ITGB5: variants seen among roughly 807,000 people sequenced by gnomAD.
The protein encoded by ITGB5 is integrin subunit beta 5.
Under a neutral mutation model 84.8 loss-of-function variants are expected in ITGB5, and 38 were observed. The observed-to-expected ratio is 0.45, with a 90% CI of 0.35 to 0.59. The LOEUF (loss-of-function observed/expected upper bound fraction) is 0.59, where lower values mean the gene tolerates loss of function less well. Ranked by LOEUF, ITGB5 falls within the 20% of genes least tolerant of loss-of-function variation. The pLI, the probability that ITGB5 is intolerant of heterozygous loss-of-function variation, is 0.01. For missense variants in ITGB5, 905 were observed against 1,034.5 expected (o/e 0.87, Z 1.72); for synonymous variants, 393 against 414.4 (o/e 0.95, Z 0.63).
At chr3:124,827,724 G>A (rs962829730) in intron 5 of ITGB5, among the ~76,000 whole-genome samples, 1 of 152,128 alleles carries the variant, frequency 6.6e-6, no homozygotes, top group East Asian at 1.9e-4. Flanking sequence ...CAGATGGCCC[G>A]CAGCAAGTGA....
intron 7 of ITGB5, among the ~76,000 whole-genome samples, chr3:124,818,863 TGTGGACA>T (rs1376736414): frequency 6.6e-6 from 1 of 152,176 alleles, no homozygotes; most frequent in Non-Finnish European, 1.5e-5. Flanking sequence ...AAGGTTCTTT[TGTGGACA>T]TTCAAGAGCA....
intron 10 of ITGB5, chr3:124,793,068 C>G (rs1559935362): frequency 1.3e-5 from 2 of 152,150 alleles, no homozygotes; most frequent in Non-Finnish European, 2.9e-5. Context: ...CTACCGAGTA[C>G]CAGGCCAGGG....
At chr3:124,764,212 A>C (rs1559917913) in intron 14 of ITGB5, among the ~76,000 whole-genome samples, 179 bp downstream of exon 14, 1 of 152,048 alleles carries the variant, frequency 6.6e-6, no homozygotes, top group Non-Finnish European at 1.5e-5. Context: ...TGTGCAGCTC[A>C]CTCTGCACTG....
At chr3:124,858,394 T>C (rs1054050104) in intron 3 of ITGB5, among the ~76,000 whole-genome samples, 2 of 152,168 alleles carry the variant, frequency 1.3e-5, no homozygotes, top group Non-Finnish European at 2.9e-5. Flanking sequence ...AGTGGCGTGT[T>C]TCCTGAGCAA....
rs138633228 is a variant in ITGB5, at chr3:124,803,619, T to A, written c.1263+5403A>T. Among the ~76,000 whole-genome samples the A allele has an allele frequency of 5.0e-4, 76 of 152,298 alleles. No individual in the cohort carries two copies. The East Asian group carries it at 0.012, about 24-fold the overall frequency. On this transcript the variant is annotated intron_variant, in intron 9 of 14. Transcript: ENST00000296181. ...GTGAGTTCACTGTCTCTTAGCTGGG[T>A]GAGCTGGGGCAAGTCACGCTCATCC...
intron 10 of ITGB5, among the ~76,000 whole-genome samples, chr3:124,782,404 C>T (rs534272418): frequency 9.2e-5 from 14 of 152,232 alleles, no homozygotes; most frequent in South Asian, 2.1e-4. Flanking sequence ...AAGTCAAGTA[C>T]GATGAGGGCT....
intron 3 of ITGB5, among the ~76,000 whole-genome samples, chr3:124,857,735 G>A (rs1465112885): frequency 6.6e-6 from 1 of 152,120 alleles, no homozygotes; most frequent in African/African-American, 2.4e-5. Flanking sequence ...TGATAAAAGT[G>A]GTGAACTAGA....
intron 2 of ITGB5, among the ~76,000 whole-genome samples, chr3:124,869,543 C>T (rs967619487): frequency 6.6e-6 from 1 of 152,150 alleles, no homozygotes; most frequent in Non-Finnish European, 1.5e-5. Context: ...TCACTGCACT[C>T]CAGCCTGGAT....
intron 5 of ITGB5, among the ~76,000 whole-genome samples, chr3:124,823,557 G>C (rs2064738967): frequency 6.6e-6 from 1 of 150,970 alleles, no homozygotes; most frequent in Non-Finnish European, 1.5e-5. Context: ...GTCACAAAGA[G>C]GCTTTCAAGG....
At chr3:124,769,241 C>T in intron 11 of ITGB5, 128 bp from the exon 12 acceptor site, 1 of 686,492 alleles carries the variant, frequency 1.5e-6, no homozygotes, top group Non-Finnish European at 2.5e-6. Context: ...TGTTCAGCCT[C>T]AGGGAATGTT....
chr3:124,817,738 T>C (rs770809949), intron 7 of ITGB5, 28 bp from the exon 8 acceptor site: 21 of 1,363,776 alleles, frequency 1.5e-5, no homozygotes, highest in Non-Finnish European at 1.0e-6. Context: ...AGAAAAGAAA[T>C]AAGTTCATTT....
At chr3:124,865,648 C>T (rs2065378508) in intron 2 of ITGB5, among the ~76,000 whole-genome samples, 1 of 151,384 alleles carries the variant, frequency 6.6e-6, no homozygotes. Context: ...CACCACATCC[C>T]ACTGATTTTT....
At chr3:124,833,872 C>T (rs2064891971) in intron 5 of ITGB5, among the ~76,000 whole-genome samples, 1 of 152,152 alleles carries the variant, frequency 6.6e-6, no homozygotes, top group Non-Finnish European at 1.5e-5. Flanking sequence ...GCAGGCATTC[C>T]AGGAATGCTT....
At chr3:124,825,360 G>T (rs1326082764) in intron 5 of ITGB5, among the ~76,000 whole-genome samples, 9 of 152,118 alleles carry the variant, frequency 5.9e-5, no homozygotes, top group Non-Finnish European at 1.3e-4. Context: ...TTACCCAAAA[G>T]AAATTAAACT....
chr3:124,820,646 G>T (rs2064686863), intron 6 of ITGB5, among the ~76,000 whole-genome samples: 1 of 152,208 alleles, frequency 6.6e-6, no homozygotes, highest in South Asian at 2.1e-4. Flanking sequence ...ATTTGAGAAA[G>T]AAAAGGATGC....
intron 1 of ITGB5, among the ~76,000 whole-genome samples, chr3:124,896,940 A>G (rs564990064): frequency 1.3e-5 from 2 of 151,982 alleles, no homozygotes; most frequent in African/African-American, 2.4e-5. Flanking sequence ...ATTTAAAAAG[A>G]AAAAGGAGGC....
rs888870836 is a variant in ITGB5 at position 124,848,562 on chromosome 3, C to A, written c.362-4G>T. The A allele has an allele frequency of 6.2e-7, 1 of 1,608,526 alleles. No homozygotes were observed. The highest frequency in any genetic ancestry group is 1.1e-5 in the South Asian group (1 of 90,946). On this transcript the variant is annotated splice_polypyrimidine_tract_variant and splice_region_variant and intron_variant, in intron 3 of 14. Transcript: ENST00000296181. ...AGCTGGAAGGTGGTCTTGTCACCTG[C>A]ACCAACAGAGAGGCCACGTGTGTTA...
chr3:124,881,320 A>G (rs1934560785), intron 1 of ITGB5, among the ~76,000 whole-genome samples: 1 of 152,088 alleles, frequency 6.6e-6, no homozygotes, highest in South Asian at 2.1e-4. Flanking sequence ...GCCCATTAAA[A>G]TCCTGGGGTG....
rs1442107232 is a variant in ITGB5, at chr3:124,762,941, C to G, written c.*682G>C. 1.3e-5 allele frequency: 2 copies of G among 152,250 alleles called. No individual in the cohort carries two copies. Among genetic ancestry groups the G allele is most frequent in the Admixed American group, 1.3e-4 (2 of 15,288 alleles). The allele number at this position is 152,250 out of a possible 1,614,324, so 9.4% of individuals were successfully genotyped here. On this transcript the variant is annotated 3_prime_UTR_variant, in exon 15 of 15. Transcript: ENST00000296181. ...GTCCGCTCAGAAAGAAAGAAACACA[C>G]AGAGAGTATCAGACAAACACAAATT...
Sources: gnomAD v4.1 joint callset for allele counts (sites outside exome capture counted in the v4.1 genomes callset) on GRCh38, gnomAD v4.1.1 for gene constraint, MANE v1.5 for transcripts, NCBI Gene and HGNC (gene_info 2026-07-23, HGNC 2026-07-21) for gene names.